The following DNAH2 variants were observed in gnomAD, a reference collection of about 807,000 sequenced individuals.
DNAH2 encodes the protein axonemal beta dynein heavy chain 2.
In DNAH2, 323 loss-of-function variants were observed where a neutral mutation model predicts 523.5. The ratio of observed to expected loss-of-function variants is 0.62; its 90% CI spans 0.56 to 0.68. DNAH2 has a LOEUF of 0.68. Among genes scored for constraint, DNAH2 ranks in the 30% least tolerant of loss-of-function variants. DNAH2 has a pLI of 0.00. For missense variants in DNAH2, 4,907 were observed against 5,701.5 expected (o/e 0.86, Z 4.49); for synonymous variants, 2,093 against 2,177.4 (o/e 0.96, Z 1.08).
chr17:7,745,073 C>A (rs1381388851), intron 12 of DNAH2, among the ~76,000 whole-genome samples: 1 of 151,986 alleles, frequency 6.6e-6, no homozygotes, highest in Admixed American at 6.6e-5. Context: ...TGGCTCACTG[C>A]AACCTCCGCC....
Position 7,754,811 on chromosome 17 carries a change from G to T in DNAH2, c.1905-2280G>T. On this transcript the variant is annotated intron_variant, in intron 12 of 85. Coordinates refer to ENST00000572933, the MANE Select transcript of DNAH2 (RefSeq NM_020877.5). This position sits in a 1 kb window ranked among gnomAD's most constrained non-coding sequence, Gnocchi z 4.6. ...CAGCTCCAGCTTCAGTTTCAGCTCA[G>T]GCTCCCAAAGCTGCCCAGTGCCCTA... is the stretch of plus-strand genomic sequence containing the variant. The T allele has an allele frequency of 1.3e-6, 1 of 746,260 alleles. No homozygotes were observed. The highest frequency in any genetic ancestry group is 1.5e-5 in the South Asian group (1 of 67,696). 46.2% of individuals were successfully genotyped at this position (746,260 alleles called of 1,614,324 possible).
chr17:7,777,196 C>A (rs2076479874), intron 32 of DNAH2, among the ~76,000 whole-genome samples: 1 of 151,342 alleles, frequency 6.6e-6, no homozygotes, highest in Non-Finnish European at 1.5e-5. Context: ...CAAGTATGGG[C>A]TAGGCCTGGA....
intron 11 of DNAH2, among the ~76,000 whole-genome samples, chr17:7,741,285 T>C (rs866038479): frequency 0.01 from 589 of 57,336 alleles, 11 homozygotes; most frequent in East Asian, 0.069. Context: ...TTTCTTTCTT[T>C]CTTTCTTTCT....
In DNAH2 at chr17:7,797,763, G is replaced by T. The variant is rs1347983188; in HGVS notation, c.8164G>T (p.Glu2722Ter). The T allele has an allele frequency of 6.2e-7, 1 of 1,614,012 alleles. No individual in the cohort carries two copies. Among genetic ancestry groups the T allele is most frequent in the East Asian group, 2.2e-5 (1 of 44,888 alleles). The change falls in exon 53 of 86, where the codon GAG becomes TAG. Residue 2722 changes from glutamate to a stop codon, truncating the protein, a stop_gained. Transcript: ENST00000572933. LOFTEE classifies it high-confidence loss of function. ...GACAGTCATGGAGACAGCTCTAAAT[G>T]AGTATAACCTGTCACCCTCTGTCGT... ...LKTVMETALNEYNLSPSVVPM... is the reference protein window; with the variant it reads ...LKTVMETALN
At chr17:7,810,408 A>G (rs1318683559) in intron 63 of DNAH2, among the ~76,000 whole-genome samples, 1 of 151,750 alleles carries the variant, frequency 6.6e-6, no homozygotes, top group Non-Finnish European at 1.5e-5. Flanking sequence ...TTTGTTTTTG[A>G]GAGAGAGTCT....
At chr17:7,814,097 C>T (rs924517815) in intron 63 of DNAH2, among the ~76,000 whole-genome samples, 2 of 149,152 alleles carry the variant, frequency 1.3e-5, no homozygotes, top group African/African-American at 2.5e-5. Context: ...TGGGACCAGG[C>T]TCAGGAATGG....
rs1157011781 is a variant in DNAH2, at chr17:7,831,887, AC to A, written c.12726+113del. 1 of 910,588 alleles carries A rather than the reference AC, an allele frequency of 1.1e-6. No individual in the cohort carries two copies. Among genetic ancestry groups the A allele is most frequent in the Non-Finnish European group, 1.6e-6 (1 of 610,136 alleles). 56.4% of individuals were successfully genotyped at this position (910,588 alleles called of 1,614,324 possible). On this transcript the variant is annotated intron_variant, in intron 82 of 85. Transcript: ENST00000572933. The surrounding 1 kb of genome is among the most constrained non-coding windows in gnomAD (Gnocchi z 4.2). Reference sequence around the variant, plus strand: ...ATAAAGCAAACTGCAGAGAGCCGAAACTTTGAAGTTAGATAGGTTCAAGGTT... The same window carrying A: ...ATAAAGCAAACTGCAGAGAGCCGAAATTTGAAGTTAGATAGGTTCAAGGTT...
At chr17:7,721,574 C>T (rs1023685520) in intron 2 of DNAH2, among the ~76,000 whole-genome samples, 19 of 152,266 alleles carry the variant, frequency 1.2e-4, no homozygotes, top group African/African-American at 3.6e-4. Flanking sequence ...CCGGAATCGC[C>T]TGTTCCATCT....
chr17:7,818,874 G>A, intron 70 of DNAH2, 45 bp from the exon 71 acceptor site: 2 of 1,606,786 alleles, frequency 1.2e-6, no homozygotes, highest in Non-Finnish European at 1.7e-6. Context: ...AGGGAGCCTG[G>A]TCCCGCTAAC....
chr17:7,758,830 G>A, intron 14 of DNAH2, 55 bp from the exon 15 acceptor site: 2 of 1,604,678 alleles, frequency 1.2e-6, no homozygotes, highest in Non-Finnish European at 1.7e-6. Flanking sequence ...GTAGAATGAG[G>A]TCCAGATGGT....
In DNAH2 at chr17:7,833,429, G is replaced by A. The variant is rs2078251919; in HGVS notation, c.13180G>A (p.Asp4394Asn). The change falls in exon 86 of 86, where the codon GAC (aspartate) becomes AAC (asparagine). Residue 4394 changes from aspartate to asparagine, a missense_variant. By Grantham distance (23) the Asp-to-Asn change is conservative. Transcript: ENST00000572933. The part of the protein sequence containing the change: ...YYYPNRAGSS[D>N]RASFVIGIDL... ...CTATCCCAACCGGGCAGGCAGCTCAGACCGAGCCTCCTTTGTCATCGGCAT... is the reference window on the plus strand; with the variant it reads ...CTATCCCAACCGGGCAGGCAGCTCAAACCGAGCCTCCTTTGTCATCGGCAT... 6.2e-7 allele frequency: 1 copy of A among 1,614,048 alleles called. No homozygotes were observed. The highest frequency in any genetic ancestry group is 1.1e-5 in the South Asian group (1 of 91,092).
chr17:7,780,412 A>T lies in DNAH2; in HGVS notation c.5850+128A>T. 6.7e-7 allele frequency: 1 copy of T among 1,482,832 alleles called. No individual in the cohort carries two copies. Among genetic ancestry groups the T allele is most frequent in the South Asian group, 1.2e-5 (1 of 83,408 alleles). The allele number at this position is 1,482,832 out of a possible 1,614,324, so 91.9% of individuals were successfully genotyped here. A position where few individuals can be genotyped will look rare whatever the true frequency, so the allele number is the denominator to read the frequency against. ...AGGAACTTAGACTATTGTCAGTAGG[A>T]TGTGTGGGGAGAAAAATTTAGGGGA... On this transcript the variant is annotated intron_variant, in intron 37 of 85. Coordinates refer to ENST00000572933, the MANE Select transcript of DNAH2 (RefSeq NM_020877.5). The surrounding 1 kb of genome is among the most constrained non-coding windows in gnomAD (Gnocchi z 4.4).
intron 48 of DNAH2, among the ~76,000 whole-genome samples, chr17:7,793,447 T>TTCTTTTTCTTTCTTTCTTTC (rs774059490): frequency 7.5e-4 from 72 of 96,492 alleles, no homozygotes; most frequent in East Asian, 3.8e-3. Flanking sequence ...CTTTCTTTCT[T>TTCTTTTTCTTTCTTTCTTTC]TTTCTTTCTT....
Position 7,759,225 on chromosome 17 carries a change from A to T in DNAH2, c.2448+101A>T, listed in dbSNP as rs1567650824. The T allele has an allele frequency of 2.0e-6, 3 of 1,525,544 alleles. No individual in the cohort carries two copies. The African/African-American group carries it at 4.1e-5, about 21-fold the overall frequency. The allele number at this position is 1,525,544 out of a possible 1,614,324, so 94.5% of individuals were successfully genotyped here. Reference sequence around the variant, plus strand: ...CCCCGACCCTTTTTTCTTTTTTACCAGTGTGTACTTCTCAAACATCGTGCT... The same window carrying T: ...CCCCGACCCTTTTTTCTTTTTTACCTGTGTGTACTTCTCAAACATCGTGCT... On this transcript the variant is annotated intron_variant, in intron 15 of 85. Coordinates refer to ENST00000572933, the MANE Select transcript of DNAH2 (RefSeq NM_020877.5).
intron 4 of DNAH2, among the ~76,000 whole-genome samples, chr17:7,730,685 C>T (rs2074957306): frequency 6.6e-6 from 1 of 152,086 alleles, no homozygotes; most frequent in Non-Finnish European, 1.5e-5. Context: ...CTGGCCTGGA[C>T]TATTAGAAAT....
chr17:7,759,246 G>A (rs117350868), intron 15 of DNAH2, 122 bp downstream of exon 15: 56 of 1,474,214 alleles, frequency 3.8e-5, no homozygotes, highest in Admixed American at 8.5e-5. Context: ...CTCAAACATC[G>A]TGCTCTAGTC....
rs963528662 is a variant in DNAH2 at position 7,818,775 on chromosome 17, C to G, written c.10669C>G (p.Arg3557Gly). The change falls in exon 70 of 86, where the codon CGG (arginine) becomes GGG (glycine). Residue 3557 changes from arginine (R) to glycine (G), a missense_variant and splice_region_variant. By Grantham distance (125) the Arg-to-Gly change is moderately radical (BLOSUM62 -2). This residue lies in a region of DNAH2 where 1,851 missense variants were observed against 2,139.4 expected (regional missense o/e 0.87). Coordinates refer to ENST00000572933, the MANE Select transcript of DNAH2 (RefSeq NM_020877.5). Reference sequence around the variant, plus strand: ...CAAGGAGCTGGAGGATGAGATCCTGCGGTGAGGCCCTGCCTTCCCCTCCCA... The same window carrying G: ...CAAGGAGCTGGAGGATGAGATCCTGGGGTGAGGCCCTGCCTTCCCCTCCCA... Reference protein sequence around the residue: ...KLKELEDEILRLLNEATGSLL... With the variant: ...KLKELEDEILGLLNEATGSLL... 6.2e-7 allele frequency: 1 copy of G among 1,614,004 alleles called. No homozygotes were observed. Among genetic ancestry groups the G allele is most frequent in the Admixed American group, 1.7e-5 (1 of 60,010 alleles).
At chr17:7,823,240 G>A (rs1165138478) in intron 73 of DNAH2, among the ~76,000 whole-genome samples, 1 of 149,246 alleles carries the variant, frequency 6.7e-6, no homozygotes, top group African/African-American at 2.5e-5. Context: ...GTTGCAGTGA[G>A]CCGAGATTGT....
At chr17:7,776,546 A>G (rs2076457756) in intron 31 of DNAH2, among the ~76,000 whole-genome samples, 1 of 152,232 alleles carries the variant, frequency 6.6e-6, no homozygotes, top group Non-Finnish European at 1.5e-5. Context: ...GTGGAAAGAC[A>G]GAATCTTGAG....
Sources: gnomAD v4.1 joint callset for allele counts (sites outside exome capture counted in the v4.1 genomes callset) on GRCh38, gnomAD v4.1.1 for gene constraint, gnomAD v4.1.1 regional missense constraint, Gnocchi (gnomAD v3.1) non-coding constraint, MANE v1.5 for transcripts, NCBI Gene and HGNC (gene_info 2026-07-23, HGNC 2026-07-21) for gene names.